Variants in CEMIP observed in about 807,000 individuals in gnomAD.
The protein encoded by CEMIP is cell migration inducing hyaluronidase 1, also known as cell migration-inducing and hyaluronan-binding protein.
Under a neutral mutation model 156.9 loss-of-function variants are expected in CEMIP, and 105 were observed. That is an observed-to-expected ratio of 0.67 (90% CI 0.57 to 0.79). The LOEUF is 0.79. Among genes scored for constraint, CEMIP ranks in the 30% least tolerant of loss-of-function variants. The pLI is 0.00. For synonymous variants in CEMIP, 676 were observed against 668.4 expected, an observed-to-expected ratio of 1.01 and a Z score of -0.17; for missense variants, 1,457 against 1,769.4, an observed-to-expected ratio of 0.82 and a Z score of 3.17.
intron 1 of CEMIP, among the ~76,000 whole-genome samples, chr15:80,798,190 T>C (rs1489717795): frequency 1.3e-5 from 2 of 152,172 alleles, no homozygotes; most frequent in African/African-American, 4.8e-5. Context: ...AGATAGACAC[T>C]ATAGGAATTT....
At chr15:80,804,887 A>G (rs1000856372) in intron 1 of CEMIP, among the ~76,000 whole-genome samples, 3 of 152,188 alleles carry the variant, frequency 2.0e-5, no homozygotes, top group Non-Finnish European at 2.9e-5. Flanking sequence ...TAAAAGCAAC[A>G]ATAAGGTTTT....
intron 1 of CEMIP, among the ~76,000 whole-genome samples, chr15:80,863,075 G>A (rs1053365661): frequency 9.9e-5 from 15 of 152,174 alleles, no homozygotes; most frequent in Non-Finnish European, 1.8e-4. Context: ...GTGAGCCTGG[G>A]AGCACCTGTA....
rs1900928681 is a variant in CEMIP, at chr15:80,931,912, A to C, written c.2666A>C (p.Asn889Thr). 6.2e-7 allele frequency: 1 copy of C among 1,614,036 alleles called. No individual in the cohort carries two copies. Among genetic ancestry groups the C allele is most frequent in the African/African-American group, 1.3e-5 (1 of 74,920 alleles). Residue 889 changes from asparagine to threonine, a missense_variant, in exon 22 of 30, where the codon AAC becomes ACC. Physicochemically the swap from Asn to Thr is moderately conservative, Grantham distance 65 (BLOSUM62 0). This residue lies in a region of CEMIP where 798 missense variants were observed against 980.1 expected (regional missense o/e 0.81). Coordinates refer to ENST00000394685, the MANE Select transcript of CEMIP (RefSeq NM_001293298.2). ...TATGATGGCCCCATCAACATCCAAA[A>C]CTGCACTTTCCGAAAGTTTGTGGCC... ...QLYDGPINIQ[N>T]CTFRKFVALE...
chr15:80,919,136 T>C (rs566783146), intron 14 of CEMIP, among the ~76,000 whole-genome samples: 13 of 152,342 alleles, frequency 8.5e-5, no homozygotes, highest in African/African-American at 3.1e-4. Context: ...TTTGCAGCCC[T>C]TTCTAGTTCT....
chr15:80,914,356 C>T (rs1383826824), intron 14 of CEMIP, among the ~76,000 whole-genome samples: 3 of 152,162 alleles, frequency 2.0e-5, no homozygotes, highest in Middle Eastern at 6.3e-3. Flanking sequence ...TTTTCCTCCT[C>T]GTGTATTGCT....
chr15:80,892,031 A>T (rs996069365), intron 10 of CEMIP, among the ~76,000 whole-genome samples: 1 of 152,160 alleles, frequency 6.6e-6, no homozygotes, highest in Non-Finnish European at 1.5e-5. Context: ...AACTCCCCAC[A>T]TGCTCATTTT....
At chr15:80,839,878 CCTTGCCCTCACAA>C (rs1442306548) in intron 1 of CEMIP, among the ~76,000 whole-genome samples, 1 of 152,216 alleles carries the variant, frequency 6.6e-6, no homozygotes, top group African/African-American at 2.4e-5. Context: ...CATTTTCTTC[CCTTGCCCTCACAA>C]CAACCCTAGC....
intron 14 of CEMIP, among the ~76,000 whole-genome samples, chr15:80,911,064 T>G (rs1347597603): frequency 6.6e-6 from 1 of 152,236 alleles, no homozygotes; most frequent in African/African-American, 2.4e-5. Context: ...GCCAGTCATT[T>G]TACTGCTCTG....
chr15:80,875,730 G>A (rs1219382328), intron 3 of CEMIP, among the ~76,000 whole-genome samples: 1 of 152,168 alleles, frequency 6.6e-6, no homozygotes, highest in African/African-American at 2.4e-5. Context: ...GGCCCCTCCT[G>A]GGAAAGTGAG....
chr15:80,883,150 C>G (rs1898720978), intron 6 of CEMIP, among the ~76,000 whole-genome samples: 1 of 152,168 alleles, frequency 6.6e-6, no homozygotes, highest in African/African-American at 2.4e-5. Flanking sequence ...CATTTTAGAA[C>G]TATTTTCCTT....
At chr15:80,867,870 A>AG (rs994466408) in intron 1 of CEMIP, among the ~76,000 whole-genome samples, 5 of 152,088 alleles carry the variant, frequency 3.3e-5, no homozygotes, top group Admixed American at 6.5e-5. Flanking sequence ...GCGGTGGGGC[A>AG]GGGGGGCGGC....
chr15:80,848,953 ATTTTTTTTTTTTTTTTTTTTTTTTTTTTT>A (rs764417438), intron 1 of CEMIP, among the ~76,000 whole-genome samples: 1,007 of 72,496 alleles, frequency 0.014, 33 homozygotes, highest in African/African-American at 0.06. Context: ...CTCTTTAGAA[ATTTTTTTTTTTTTTTTTTTTTTTTTTTTT>A]TTTTTTTTTT....
chr15:80,852,268 G>C (rs984182891), intron 1 of CEMIP, among the ~76,000 whole-genome samples: 2 of 152,154 alleles, frequency 1.3e-5, no homozygotes, highest in African/African-American at 2.4e-5. Context: ...TCTGAGATGT[G>C]GTGGGAGTTA....
chr15:80,928,114 G>A (rs1900762492), intron 19 of CEMIP, among the ~76,000 whole-genome samples: 1 of 152,268 alleles, frequency 6.6e-6, no homozygotes, highest in South Asian at 2.1e-4. Flanking sequence ...AGATGAGCCT[G>A]GCAGGGTGGA....
At chr15:80,904,108 C>G (rs1899687027) in intron 12 of CEMIP, among the ~76,000 whole-genome samples, 1 of 152,226 alleles carries the variant, frequency 6.6e-6, no homozygotes, top group African/African-American at 2.4e-5. Context: ...GTGTGGTGTC[C>G]ACTCCTGACC....
intron 6 of CEMIP, among the ~76,000 whole-genome samples, chr15:80,883,617 A>G (rs1352470323): frequency 6.6e-6 from 1 of 152,266 alleles, no homozygotes; most frequent in African/African-American, 2.4e-5. Flanking sequence ...AAGAATCATT[A>G]ACAGGTCAAT....
At chr15:80,801,343 T>C (rs1896372477) in intron 1 of CEMIP, among the ~76,000 whole-genome samples, 1 of 152,210 alleles carries the variant, frequency 6.6e-6, no homozygotes, top group African/African-American at 2.4e-5. Flanking sequence ...GATGGCCTCA[T>C]TTATGTGTTT....
chr15:80,949,194 C>G lies in CEMIP; in HGVS notation c.*270C>G. ...AGCCTCTTGGGTGCTTCTCTCCTATCTGTGCCTCTTCAGTGGGGGTTTGGG... is the reference window on the plus strand; with the variant it reads ...AGCCTCTTGGGTGCTTCTCTCCTATGTGTGCCTCTTCAGTGGGGGTTTGGG... On this transcript the variant is annotated 3_prime_UTR_variant, in exon 30 of 30. Transcript: ENST00000394685. The G allele has an allele frequency of 2.0e-6, 1 of 498,208 alleles. No homozygotes were observed. The highest frequency in any genetic ancestry group is 3.7e-6 in the Non-Finnish European group (1 of 272,584). The allele number at this position is 498,208 out of a possible 1,614,324, so 30.9% of individuals were successfully genotyped here. A position where few individuals can be genotyped will look rare whatever the true frequency, so the allele number is the denominator to read the frequency against.
intron 3 of CEMIP, among the ~76,000 whole-genome samples, chr15:80,876,246 C>T (rs1432945797): frequency 6.6e-6 from 1 of 152,194 alleles, no homozygotes; most frequent in Non-Finnish European, 1.5e-5. Flanking sequence ...TGACTGGCCT[C>T]TACTGGAATC....
Sources: allele counts gnomAD v4.1 joint callset (sites outside exome capture counted in the v4.1 genomes callset), GRCh38; gene constraint gnomAD v4.1.1; regional missense constraint gnomAD v4.1.1; transcripts MANE v1.5; gene names NCBI Gene and HGNC (gene_info 2026-07-23, HGNC 2026-07-21).